The following OPCML variants were observed in gnomAD, a reference collection of about 807,000 sequenced individuals.
OPCML encodes opioid-binding protein/cell adhesion molecule.
A neutral mutation model predicts 37.8 loss-of-function variants in OPCML; 13 were observed. The observed-to-expected ratio is 0.34, with a 90% CI of 0.22 to 0.55. The LOEUF (loss-of-function observed/expected upper bound fraction) is 0.55, where lower values mean the gene tolerates loss of function less well. Among genes scored for constraint, OPCML ranks in the 20% least tolerant of loss-of-function variants. The probability of loss-of-function intolerance (pLI) is 0.91; values close to 1 mark genes in which losing one functional copy is unlikely to be tolerated. For synonymous variants in OPCML, 176 were observed against 168.8 expected, an observed-to-expected ratio of 1.04 and a Z score of -0.33; for missense variants, 341 against 435.6, an observed-to-expected ratio of 0.78 and a Z score of 1.93.
chr11:132,427,580 T>C (rs571047135), intron 7 of OPCML, among the ~76,000 whole-genome samples: 62 of 152,344 alleles, frequency 4.1e-4, no homozygotes, highest in African/African-American at 1.5e-3. Context: ...CTTTCTTCTG[T>C]TCTCCTTAAC....
At chr11:133,358,413 G>T (rs1360732132) in intron 1 of OPCML, among the ~76,000 whole-genome samples, 1 of 152,136 alleles carries the variant, frequency 6.6e-6, no homozygotes, top group East Asian at 1.9e-4. Context: ...CCCAACTATT[G>T]CCTTGACATA....
intron 3 of OPCML, among the ~76,000 whole-genome samples, chr11:132,652,776 T>G (rs1591676223): frequency 6.6e-6 from 1 of 152,186 alleles, no homozygotes; most frequent in African/African-American, 2.4e-5. Context: ...CCTCCATGAC[T>G]GTCCTCTCCG....
At chr11:132,901,478 T>G (rs1464266942) in intron 2 of OPCML, among the ~76,000 whole-genome samples, 1 of 152,240 alleles carries the variant, frequency 6.6e-6, no homozygotes, top group Non-Finnish European at 1.5e-5. Context: ...GCACTTGTCA[T>G]GTAACAGACT....
rs1948925573 is a variant in OPCML at position 133,092,636 on chromosome 11, G to A, written c.62-149626C>T. 2.0e-5 allele frequency among the ~76,000 whole-genome samples: 3 copies of A among 152,172 alleles called. No individual in the cohort carries two copies. The South Asian group carries it at 6.2e-4, about 32-fold the overall frequency. Reference sequence around the variant, plus strand: ...AGCTACTCAGGAGGCTGAGGCAGAAGAATCACTTGAACCCGGGAGGCGGAG... The same window carrying A: ...AGCTACTCAGGAGGCTGAGGCAGAAAAATCACTTGAACCCGGGAGGCGGAG... On this transcript the variant is annotated intron_variant, in intron 1 of 7. Transcript: ENST00000524381.
chr11:133,181,895 C>A (rs1792286114), intron 1 of OPCML, among the ~76,000 whole-genome samples: 1 of 151,846 alleles, frequency 6.6e-6, no homozygotes, highest in Admixed American at 6.6e-5. Context: ...CCAAAGCTGG[C>A]ACAGTGAAGC....
At chr11:133,027,123 T>G (rs532612205) in intron 1 of OPCML, among the ~76,000 whole-genome samples, 1 of 152,320 alleles carries the variant, frequency 6.6e-6, no homozygotes, top group African/African-American at 2.4e-5. Context: ...GTCTCAGTTT[T>G]GTGGTGACCC....
chr11:133,456,484 A>AT (rs1177881596), intron 1 of OPCML, among the ~76,000 whole-genome samples: 1 of 152,130 alleles, frequency 6.6e-6, no homozygotes, highest in Non-Finnish European at 1.5e-5. Context: ...CATAAAAAAA[A>AT]AATGGCAAAA....
In OPCML at chr11:132,929,095, T is replaced by G. The variant is rs1945098612; in HGVS notation, c.146+13831A>C. Among the ~76,000 whole-genome samples, 5 of 146,386 alleles carry G rather than the reference T, an allele frequency of 3.4e-5. No homozygotes were observed. In the South Asian group the frequency reaches 1.1e-3, roughly 31 times the overall value. Reference sequence around the variant, plus strand: ...CACAAAACTAGCAGAAGAAAGAAAATAATAAATATTATAGGAGAGATAAAC... The same window carrying G: ...CACAAAACTAGCAGAAGAAAGAAAAGAATAAATATTATAGGAGAGATAAAC... On this transcript the variant is annotated intron_variant, in intron 2 of 7. Coordinates refer to ENST00000524381, the MANE Select transcript of OPCML (RefSeq NM_001012393.5).
intron 1 of OPCML, among the ~76,000 whole-genome samples, chr11:133,253,822 TCCCTTCC>T (rs1941225804): frequency 2.8e-5 from 2 of 71,734 alleles, no homozygotes; most frequent in African/African-American, 1.1e-4. Flanking sequence ...CTCCTTCCCT[TCCCTTCC>T]ATTCCCTTCC....
chr11:132,778,760 T>G (rs1193787897), intron 2 of OPCML, among the ~76,000 whole-genome samples: 1 of 152,130 alleles, frequency 6.6e-6, no homozygotes, highest in Non-Finnish European at 1.5e-5. Flanking sequence ...AATCAAGGCC[T>G]ATAGAAATTA....
At chr11:132,842,446 A>G (rs914367481) in intron 2 of OPCML, among the ~76,000 whole-genome samples, 2 of 152,190 alleles carry the variant, frequency 1.3e-5, no homozygotes, top group African/African-American at 4.8e-5. Context: ...AGGGCTAAAC[A>G]AACTTGGTTT....
chr11:132,568,447 T>C (rs1001661668), intron 3 of OPCML, among the ~76,000 whole-genome samples: 3 of 152,118 alleles, frequency 2.0e-5, no homozygotes, highest in East Asian at 1.9e-4. Context: ...GGAAACAGGG[T>C]CTTTGCAGAC....
intron 2 of OPCML, among the ~76,000 whole-genome samples, chr11:132,700,683 A>G (rs1943770974): frequency 6.6e-6 from 1 of 152,068 alleles, no homozygotes; most frequent in Non-Finnish European, 1.5e-5. Context: ...ATTTGTTAAG[A>G]CTTATTTTGT....
chr11:132,552,029 C>T (rs1439428608), intron 3 of OPCML, among the ~76,000 whole-genome samples: 1 of 152,176 alleles, frequency 6.6e-6, no homozygotes, highest in African/African-American at 2.4e-5. Context: ...GGGTCCCATT[C>T]TCTATGTTGT....
intron 3 of OPCML, among the ~76,000 whole-genome samples, chr11:132,546,448 C>T (rs766102285): frequency 2.0e-5 from 3 of 152,172 alleles, no homozygotes; most frequent in Admixed American, 6.5e-5. Flanking sequence ...CCCTTTCCCC[C>T]GTGTCCCCAA....
chr11:133,391,706 T>C (rs1945177832), intron 1 of OPCML, among the ~76,000 whole-genome samples: 1 of 152,216 alleles, frequency 6.6e-6, no homozygotes, highest in East Asian at 1.9e-4. Context: ...AATGTTACCA[T>C]ATGATTATTA....
At chr11:132,897,791 G>C (rs138262289) in intron 2 of OPCML, among the ~76,000 whole-genome samples, 17 of 152,200 alleles carry the variant, frequency 1.1e-4, no homozygotes, top group Non-Finnish European at 1.8e-4. Context: ...TGATTCACAG[G>C]CTGGATGGTC....
intron 2 of OPCML, among the ~76,000 whole-genome samples, chr11:132,857,680 C>T (rs1217727021): frequency 6.6e-6 from 1 of 152,096 alleles, no homozygotes; most frequent in Non-Finnish European, 1.5e-5. Flanking sequence ...CAATGTCATT[C>T]TTCTCATTAA....
chr11:133,040,052 C>T (rs1287633611), intron 1 of OPCML, among the ~76,000 whole-genome samples: 2 of 151,526 alleles, frequency 1.3e-5, no homozygotes, highest in African/African-American at 2.4e-5. Context: ...TGGGGGATGG[C>T]AGACCCTCTA....
Sources: gnomAD v4.1 joint callset for allele counts (sites outside exome capture counted in the v4.1 genomes callset) on GRCh38, gnomAD v4.1.1 for gene constraint, MANE v1.5 for transcripts, NCBI Gene and HGNC (gene_info 2026-07-23, HGNC 2026-07-21) for gene names.